AKAP7: variants seen among roughly 807,000 people sequenced by gnomAD.
The protein encoded by AKAP7 is A kinase (PRKA) anchor protein 7.
Under a neutral mutation model 39.5 loss-of-function variants are expected in AKAP7, and 39 were observed. The ratio of observed to expected loss-of-function variants is 0.99; its 90% CI spans 0.76 to 1.29. The LOEUF (loss-of-function observed/expected upper bound fraction) is 1.29, where lower values mean the gene tolerates loss of function less well. Ranked by LOEUF, AKAP7 falls within the 50% of genes most tolerant of loss-of-function variation. AKAP7 has a pLI of 0.00. For synonymous variants in AKAP7, 140 were observed against 139.1 expected (o/e 1.01, Z -0.05); for missense variants, 414 against 407.7 (o/e 1.02, Z -0.13).
At chr6:131,271,401 A>G (rs1814263211) in intron 7 of AKAP7, among the ~76,000 whole-genome samples, 2 of 151,662 alleles carry the variant, frequency 1.3e-5, no homozygotes, top group Admixed American at 6.6e-5. Flanking sequence ...GTTTTGTTTT[A>G]TTATCTATAT....
At chr6:131,213,696 A>G (rs1474647668) in intron 6 of AKAP7, among the ~76,000 whole-genome samples, 1 of 152,176 alleles carries the variant, frequency 6.6e-6, no homozygotes, top group African/African-American at 2.4e-5. Flanking sequence ...TTATACTGAG[A>G]AAAGCCACAT....
rs1039082892 is a variant in AKAP7 at position 131,186,884 on chromosome 6, G to A, written c.590-12577G>A. Among the ~76,000 whole-genome samples the A allele has an allele frequency of 4.6e-5, 7 of 152,264 alleles. No individual in the cohort carries two copies. In the East Asian group the frequency reaches 5.8e-4, roughly 13 times the overall value. On this transcript the variant is annotated intron_variant, in intron 5 of 7. Coordinates refer to ENST00000431975, the MANE Select transcript of AKAP7 (RefSeq NM_016377.4). ...TTTACCTTGGGGATTAGGTCTCAAC[G>A]TAAGAATTTTGGAGGGACACAAACA...
intron 7 of AKAP7, among the ~76,000 whole-genome samples, chr6:131,263,421 C>G (rs568683358): frequency 3.2e-4 from 49 of 152,250 alleles, no homozygotes; most frequent in African/African-American, 9.1e-4. Context: ...ATGAGTTTCC[C>G]TCTCCTCATT....
intron 6 of AKAP7, among the ~76,000 whole-genome samples, chr6:131,212,904 T>C (rs1241160481): frequency 6.6e-6 from 1 of 152,230 alleles, no homozygotes; most frequent in Non-Finnish European, 1.5e-5. Context: ...GTCTTTCTTA[T>C]TTAAAGTTAC....
At chr6:131,191,850 T>G (rs1806439283) in intron 5 of AKAP7, among the ~76,000 whole-genome samples, 1 of 151,552 alleles carries the variant, frequency 6.6e-6, no homozygotes, top group South Asian at 2.1e-4. Context: ...GTGGTGTTTT[T>G]TTTTTTTTTT....
intron 2 of AKAP7, among the ~76,000 whole-genome samples, chr6:131,151,359 ACTT>A (rs1431179819): frequency 6.6e-6 from 1 of 150,520 alleles, no homozygotes; most frequent in African/African-American, 2.5e-5. Flanking sequence ...CCTCATAGAA[ACTT>A]AAAGAGGGAG....
intron 7 of AKAP7, among the ~76,000 whole-genome samples, chr6:131,238,211 C>T (rs1413843644): frequency 3.9e-5 from 6 of 152,074 alleles, no homozygotes; most frequent in Admixed American, 1.3e-4. Flanking sequence ...TGTGGTTGAA[C>T]GGTTTTGAGT....
Position 131,162,978 on chromosome 6 carries a change from C to T in AKAP7, c.292-2103C>T, listed in dbSNP as rs182363579. Among the ~76,000 whole-genome samples, 122 of 150,936 alleles carry T rather than the reference C, an allele frequency of 8.1e-4. 1 individual carries two copies. The highest frequency in any genetic ancestry group is 2.8e-3 in the African/African-American group (116 of 41,374). On this transcript the variant is annotated intron_variant, in intron 3 of 7. Coordinates refer to ENST00000431975, the MANE Select transcript of AKAP7 (RefSeq NM_016377.4). ...ACTGGTGTTTGTTCAAGAGTAGGTG[C>T]GCACACATACACGCTCTTTCGCTCT...
chr6:131,200,901 A>G (rs1420654051), intron 6 of AKAP7: 3 of 152,176 alleles, frequency 2.0e-5, no homozygotes, highest in African/African-American at 7.2e-5. Context: ...AATGACAATC[A>G]GTGGTGAAGG....
intron 7 of AKAP7, among the ~76,000 whole-genome samples, chr6:131,240,770 G>T (rs1365853178): frequency 6.6e-6 from 1 of 152,198 alleles, no homozygotes; most frequent in Admixed American, 6.5e-5. Flanking sequence ...GCAGTATTAG[G>T]GTGGGAGTGA....
intron 7 of AKAP7, among the ~76,000 whole-genome samples, chr6:131,249,143 T>C (rs1212932477): frequency 6.6e-6 from 1 of 152,206 alleles, no homozygotes; most frequent in Non-Finnish European, 1.5e-5. Flanking sequence ...AGTCAGATCT[T>C]TGCTTTTTAT....
At position 131,282,648 on chromosome 6, in the gene AKAP7, C is replaced by T. The variant is rs1237853267; in HGVS notation, c.*922C>T. The T allele has an allele frequency of 1.4e-6, 2 of 1,473,666 alleles. No individual in the cohort carries two copies. Among genetic ancestry groups the T allele is most frequent in the Non-Finnish European group, 1.8e-6 (2 of 1,095,950 alleles). The allele number at this position is 1,473,666 out of a possible 1,614,324, so 91.3% of individuals were successfully genotyped here. On this transcript the variant is annotated 3_prime_UTR_variant, in exon 8 of 8. Transcript: ENST00000431975. Reference sequence around the variant, plus strand: ...GACAACATAGCTTATGAAATCTTTTCAGCTTATTAAGTAGCTCTTTGGTAA... The same window carrying T: ...GACAACATAGCTTATGAAATCTTTTTAGCTTATTAAGTAGCTCTTTGGTAA...
chr6:131,137,137 A>ATTT lies in AKAP7; in HGVS notation c.19+1364_19+1366dup, dbSNP rs113626298. The stretch of plus-strand genomic sequence containing the variant: ...GCCAACATGCCTGACTAATTTTTGT[A>ATTT]TTTTTTTTTTTGTAGAGACGGGGTC... On this transcript the variant is annotated intron_variant, in intron 1 of 7. Coordinates refer to ENST00000431975, the MANE Select transcript of AKAP7 (RefSeq NM_016377.4). Among the ~76,000 whole-genome samples, 302 of 145,060 alleles carry ATTT rather than the reference A, an allele frequency of 2.1e-3. 3 individuals carry two copies. Among genetic ancestry groups the ATTT allele is most frequent in the Middle Eastern group, 3.6e-3 (1 of 276 alleles).
intron 5 of AKAP7, chr6:131,184,258 G>C: frequency 2.1e-6 from 1 of 467,850 alleles, no homozygotes; most frequent in Non-Finnish European, 4.2e-6. Context: ...GGGAAAGGTG[G>C]GTATGAAAAA....
intron 5 of AKAP7, among the ~76,000 whole-genome samples, chr6:131,198,655 C>T (rs1807200420): frequency 6.6e-6 from 1 of 152,084 alleles, no homozygotes; most frequent in East Asian, 1.9e-4. Flanking sequence ...GAACAGTATT[C>T]CTGGGCTCCA....
intron 7 of AKAP7, among the ~76,000 whole-genome samples, chr6:131,242,800 A>T (rs909045507): frequency 9.9e-5 from 15 of 152,122 alleles, no homozygotes; most frequent in African/African-American, 3.4e-4. Context: ...GGACCTCAGC[A>T]GTTTCTTATA....
chr6:131,202,538 C>T (rs1191796444), intron 6 of AKAP7, among the ~76,000 whole-genome samples: 2 of 149,338 alleles, frequency 1.3e-5, no homozygotes, highest in Non-Finnish European at 3.0e-5. Context: ...CAGGTTCTCA[C>T]TCCTAGGTGG....
chr6:131,225,857 T>G (rs1457425435), intron 7 of AKAP7, among the ~76,000 whole-genome samples: 2 of 152,242 alleles, frequency 1.3e-5, no homozygotes, highest in African/African-American at 4.8e-5. Flanking sequence ...CTAGGATTTC[T>G]TTTACACCCC....
chr6:131,282,117 T>A lies in AKAP7; in HGVS notation c.*391T>A, dbSNP rs1031949086. ...ACTACTTTATCTGAGGCCAGAACTC[T>A]CACACACAGCTATCAAGTGCTAAGT... On this transcript the variant is annotated 3_prime_UTR_variant, in exon 8 of 8. Coordinates refer to ENST00000431975, the MANE Select transcript of AKAP7 (RefSeq NM_016377.4). The A allele has an allele frequency of 8.6e-7, 1 of 1,165,414 alleles. No individual in the cohort carries two copies. The highest frequency in any genetic ancestry group is 1.1e-6 in the Non-Finnish European group (1 of 946,460). The allele number at this position is 1,165,414 out of a possible 1,614,324, so 72.2% of individuals were successfully genotyped here.
Sources: gnomAD v4.1 joint callset for allele counts (sites outside exome capture counted in the v4.1 genomes callset) on GRCh38, gnomAD v4.1.1 for gene constraint, MANE v1.5 for transcripts, NCBI Gene and HGNC (gene_info 2026-07-23, HGNC 2026-07-21) for gene names.